The following RBFOX1 variants were observed in gnomAD, a reference collection of about 807,000 sequenced individuals.
RBFOX1 encodes RNA binding protein fox-1 homolog 1.
Under a neutral mutation model 57.7 loss-of-function variants are expected in RBFOX1, and 8 were observed. That is an observed-to-expected ratio of 0.14 (90% CI 0.08 to 0.25). The LOEUF (loss-of-function observed/expected upper bound fraction) is 0.25, where lower values mean the gene tolerates loss of function less well. RBFOX1 is among the 10% of genes least tolerant of loss of function. RBFOX1 has a pLI of 1.00. For synonymous variants in RBFOX1, 326 were observed against 222.4 expected (o/e 1.47, Z -4.15); for missense variants, 611 against 548.5 (o/e 1.11, Z -1.14).
intron 1 of RBFOX1, 97 bp downstream of exon 1, chr16:6,020,089 T>G (rs2095037646): frequency 2.3e-6 from 3 of 1,289,508 alleles, no homozygotes; most frequent in Non-Finnish European, 3.0e-6. Flanking sequence ...CCCCGAGAAC[T>G]GGCCTCCTCC....
At chr16:7,070,702 A>G (rs2057151599) in intron 4 of RBFOX1, among the ~76,000 whole-genome samples, 1 of 152,174 alleles carries the variant, frequency 6.6e-6, no homozygotes, top group African/African-American at 2.4e-5. Context: ...TAGTAATAAT[A>G]CTTTTCTAAG....
chr16:6,995,217 A>G (rs1007314243), intron 3 of RBFOX1, among the ~76,000 whole-genome samples: 12 of 151,342 alleles, frequency 7.9e-5, no homozygotes, highest in East Asian at 2.0e-4. Flanking sequence ...AATGTGATCA[A>G]TTAATTAGAG....
At position 6,319,637 on chromosome 16, in the gene RBFOX1, A is replaced by G. The variant is rs140336648; in HGVS notation, c.-64+2580A>G. On this transcript the variant is annotated intron_variant, in intron 2 of 15. Coordinates refer to ENST00000550418, the MANE Select transcript of RBFOX1 (RefSeq NM_018723.4). ...TTCACTTCTACTTTGACAGGTCTAG[A>G]GTAACAGATTGGCCAATGCACATGG... Among the ~76,000 whole-genome samples the G allele has an allele frequency of 1.1e-4, 16 of 152,162 alleles. 1 individual carries two copies. Among genetic ancestry groups the G allele is most frequent in the Middle Eastern group, 3.2e-3 (1 of 316 alleles).
At chr16:5,608,964 C>A (rs865964328) in intron 3 of RBFOX1, among the ~76,000 whole-genome samples, 1 of 152,206 alleles carries the variant, frequency 6.6e-6, no homozygotes, top group African/African-American at 2.4e-5. Flanking sequence ...TTTCTTCCCC[C>A]CATATCCATT....
chr16:6,359,990 G>A (rs1219836973), intron 2 of RBFOX1, among the ~76,000 whole-genome samples: 1 of 152,124 alleles, frequency 6.6e-6, no homozygotes, highest in African/African-American at 2.4e-5. Context: ...GTTAATTAGA[G>A]AATGTAGTGA....
intron 4 of RBFOX1, among the ~76,000 whole-genome samples, chr16:7,485,375 C>G (rs1422884767): frequency 1.3e-5 from 2 of 152,256 alleles, no homozygotes. Context: ...CCATCCTCTG[C>G]AGTTTACCTT....
intron 5 of RBFOX1, among the ~76,000 whole-genome samples, chr16:7,534,889 T>C (rs1350355874): frequency 6.6e-6 from 1 of 152,154 alleles, no homozygotes; most frequent in Non-Finnish European, 1.5e-5. Flanking sequence ...CGATTTTCCT[T>C]CTTTAGCTCG....
chr16:5,584,123 C>T (rs1043660268), intron 2 of RBFOX1, among the ~76,000 whole-genome samples: 1 of 152,190 alleles, frequency 6.6e-6, no homozygotes, highest in African/African-American at 2.4e-5. Flanking sequence ...CCTGAGGAAA[C>T]CCTGGGCAGA....
At chr16:7,190,644 C>A (rs1379895318) in intron 4 of RBFOX1, among the ~76,000 whole-genome samples, 1 of 152,088 alleles carries the variant, frequency 6.6e-6, no homozygotes, top group Non-Finnish European at 1.5e-5. Context: ...TACTCAGAAA[C>A]CAGTACCACA....
chr16:7,303,078 A>T (rs2096071552), intron 4 of RBFOX1, among the ~76,000 whole-genome samples: 1 of 152,188 alleles, frequency 6.6e-6, no homozygotes, highest in African/African-American at 2.4e-5. Flanking sequence ...GGCTGGGAGA[A>T]GCCCCCTTCC....
intron 1 of RBFOX1, among the ~76,000 whole-genome samples, chr16:6,229,048 G>T (rs958748171): frequency 2.6e-5 from 4 of 152,258 alleles, no homozygotes; most frequent in Non-Finnish European, 5.9e-5. Context: ...GTGGGTGGAT[G>T]AGACACACAG....
At chr16:7,009,980 C>G (rs2093571402) in intron 3 of RBFOX1, among the ~76,000 whole-genome samples, 1 of 152,022 alleles carries the variant, frequency 6.6e-6, no homozygotes, top group African/African-American at 2.4e-5. Context: ...GGAGGTAAGG[C>G]TTCCTGTGCT....
intron 2 of RBFOX1, among the ~76,000 whole-genome samples, chr16:6,548,248 A>C: frequency 6.6e-6 from 1 of 152,170 alleles, no homozygotes; most frequent in East Asian, 1.9e-4. Context: ...GTTTTGCTAG[A>C]TGTCAGCAAC....
intron 11 of RBFOX1, among the ~76,000 whole-genome samples, chr16:7,643,824 A>C (rs1286648196): frequency 6.6e-6 from 1 of 152,132 alleles, no homozygotes; most frequent in Non-Finnish European, 1.5e-5. Context: ...GTGTCTTGAA[A>C]TCTCAGAACT....
chr16:5,361,090 G>C (rs1465607317), intron 1 of RBFOX1, among the ~76,000 whole-genome samples: 1 of 152,206 alleles, frequency 6.6e-6, no homozygotes, highest in Admixed American at 6.5e-5. Context: ...TTCATGATCT[G>C]ATTTAATCTC....
In RBFOX1 at chr16:7,078,042, C is replaced by T. The variant is rs114610825; in HGVS notation, c.27+25944C>T. ...CTCCATCACTGCTAAGACAGACAAA[C>T]ACCTTTTGAGATTTTCCTGCCTTTG... On this transcript the variant is annotated intron_variant, in intron 4 of 15. Coordinates refer to ENST00000550418, the MANE Select transcript of RBFOX1 (RefSeq NM_018723.4). 7.7e-3 allele frequency among the ~76,000 whole-genome samples: 1,169 copies of T among 152,300 alleles called. 15 individuals carry two copies. The highest frequency in any genetic ancestry group is 0.026 in the African/African-American group (1,095 of 41,566).
chr16:6,636,298 G>A (rs1369656390), intron 2 of RBFOX1, among the ~76,000 whole-genome samples: 1 of 152,106 alleles, frequency 6.6e-6, no homozygotes, highest in Non-Finnish European at 1.5e-5. Flanking sequence ...AGCCTCCCGA[G>A]TAGCTGGGAC....
chr16:7,385,215 C>G (rs1313520322), intron 4 of RBFOX1, among the ~76,000 whole-genome samples: 1 of 152,114 alleles, frequency 6.6e-6, no homozygotes, highest in Non-Finnish European at 1.5e-5. Flanking sequence ...TTGCATTTCA[C>G]AAAGATGACT....
At position 6,850,468 on chromosome 16, in the gene RBFOX1, A is replaced by C. The variant is rs78340216; in HGVS notation, c.-16+195818A>C. Reference sequence around the variant, plus strand: ...CAAATGAGGTTTGAGTTGAGAGCTTATCAGGAGACTGATTGCCTAAGGTAC... The same window carrying C: ...CAAATGAGGTTTGAGTTGAGAGCTTCTCAGGAGACTGATTGCCTAAGGTAC... On this transcript the variant is annotated intron_variant, in intron 3 of 15. Transcript: ENST00000550418. 6.1e-3 allele frequency among the ~76,000 whole-genome samples: 930 copies of C among 152,210 alleles called. 16 individuals are homozygous for C. Among genetic ancestry groups the C allele is most frequent in the African/African-American group, 0.021 (872 of 41,520 alleles).
Sources: gnomAD v4.1 joint callset for allele counts (sites outside exome capture counted in the v4.1 genomes callset) on GRCh38, gnomAD v4.1.1 for gene constraint, MANE v1.5 for transcripts, NCBI Gene and HGNC (gene_info 2026-07-23, HGNC 2026-07-21) for gene names.